Variants in CCDC178 observed in about 807,000 individuals in gnomAD.
The protein encoded by CCDC178 is coiled-coil domain-containing protein 178.
Under a neutral mutation model 117.4 loss-of-function variants are expected in CCDC178, and 126 were observed. The ratio of observed to expected loss-of-function variants is 1.07; its 90% CI spans 0.93 to 1.24. CCDC178 has a LOEUF of 1.24. CCDC178 is among the 50% of genes most tolerant of loss of function. The probability of loss-of-function intolerance (pLI) is 0.00; values close to 1 mark genes in which losing one functional copy is unlikely to be tolerated. For synonymous variants in CCDC178, 283 were observed against 313.4 expected (o/e 0.90, Z 1.02); for missense variants, 1,030 against 986.9 (o/e 1.04, Z -0.59).
chr18:33,105,338 AT>A (rs1222546945), intron 20 of CCDC178, among the ~76,000 whole-genome samples: 1 of 151,552 alleles, frequency 6.6e-6, no homozygotes, highest in Admixed American at 6.6e-5. Context: ...ACTTCTGTGA[AT>A]TTTTTTGTGC....
intron 21 of CCDC178, among the ~76,000 whole-genome samples, chr18:33,080,149 G>A (rs539439583): frequency 6.6e-6 from 1 of 152,176 alleles, no homozygotes; most frequent in Non-Finnish European, 1.5e-5. Flanking sequence ...CTGGAGGCTG[G>A]TATCCTTAAC....
intron 14 of CCDC178, among the ~76,000 whole-genome samples, chr18:33,261,176 T>C (rs965756383): frequency 1.6e-4 from 24 of 152,110 alleles, no homozygotes; most frequent in African/African-American, 2.7e-4. Context: ...CTCCGCCTCC[T>C]GGGTTCACGC....
chr18:33,286,745 G>C (rs2060102987), intron 12 of CCDC178, among the ~76,000 whole-genome samples: 1 of 152,064 alleles, frequency 6.6e-6, no homozygotes, highest in African/African-American at 2.4e-5. Context: ...AAATAATTTT[G>C]TGTGTCTATG....
chr18:33,259,494 A>C (rs1358934810), intron 14 of CCDC178, among the ~76,000 whole-genome samples: 1 of 152,162 alleles, frequency 6.6e-6, no homozygotes, highest in Non-Finnish European at 1.5e-5. Context: ...ATCATAGCGG[A>C]AGGCAAAGGG....
chr18:33,219,713 G>A (rs1156536261), intron 18 of CCDC178, among the ~76,000 whole-genome samples: 2 of 152,018 alleles, frequency 1.3e-5, no homozygotes, highest in African/African-American at 4.8e-5. Context: ...CTCATAGGTG[G>A]GAATTGAACA....
chr18:33,294,538 C>G (rs1429832112), intron 11 of CCDC178, among the ~76,000 whole-genome samples: 1 of 151,714 alleles, frequency 6.6e-6, no homozygotes, highest in Non-Finnish European at 1.5e-5. Flanking sequence ...ACCCTGATTC[C>G]AGCAGCATAG....
At chr18:33,247,774 G>A (rs1483194485) in intron 14 of CCDC178, among the ~76,000 whole-genome samples, 1 of 151,822 alleles carries the variant, frequency 6.6e-6, no homozygotes, top group Non-Finnish European at 1.5e-5. Flanking sequence ...TGTTGTGCAT[G>A]TTTATACATG....
rs1598932538 is a variant in CCDC178 at position 33,148,147 on chromosome 18, T to A, written c.2239-55237A>T. Among the ~76,000 whole-genome samples the A allele has an allele frequency of 2.6e-5, 4 of 152,172 alleles. No individual in the cohort carries two copies. The South Asian group carries it at 8.3e-4, about 32-fold the overall frequency. ...AGCCTGGGCAACATTGAGCACTGAGTGAGTGAGACTCCGTCTGCAATCCTG... is the reference window on the plus strand; with the variant it reads ...AGCCTGGGCAACATTGAGCACTGAGAGAGTGAGACTCCGTCTGCAATCCTG... On this transcript the variant is annotated intron_variant, in intron 20 of 22. Transcript: ENST00000383096.
At chr18:33,067,991 A>G (rs1317245094) in intron 21 of CCDC178, among the ~76,000 whole-genome samples, 1 of 152,140 alleles carries the variant, frequency 6.6e-6, no homozygotes, top group Admixed American at 6.5e-5. Context: ...CAAAAAGGAG[A>G]CATTATGATA....
chr18:33,021,668 C>G (rs968716671), intron 21 of CCDC178, among the ~76,000 whole-genome samples: 1 of 152,208 alleles, frequency 6.6e-6, no homozygotes. Context: ...TCTGACTTGA[C>G]CTTCCTATTA....
chr18:32,952,759 C>A (rs2054515368), intron 22 of CCDC178, among the ~76,000 whole-genome samples: 2 of 150,304 alleles, frequency 1.3e-5, no homozygotes, highest in African/African-American at 2.4e-5. Context: ...TGTCAGGCTG[C>A]AAATTTTATA....
intron 14 of CCDC178, among the ~76,000 whole-genome samples, chr18:33,254,452 T>C (rs893987199): frequency 2.0e-5 from 3 of 151,948 alleles, no homozygotes; most frequent in African/African-American, 7.2e-5. Context: ...TGAGCATTGA[T>C]TATATGTCAA....
At chr18:33,401,159 A>G (rs1453798252) in intron 3 of CCDC178, among the ~76,000 whole-genome samples, 1 of 152,238 alleles carries the variant, frequency 6.6e-6, no homozygotes, top group African/African-American at 2.4e-5. Context: ...AATACCACTG[A>G]TCACAGATCA....
In CCDC178 at chr18:33,106,786, C is replaced by T. The variant is rs569204434; in HGVS notation, c.2239-13876G>A. On this transcript the variant is annotated intron_variant, in intron 20 of 22. Transcript: ENST00000383096. Reference sequence around the variant, plus strand: ...TTCTTAAAAGTGAGAATCTTTTCTACCTAAGTTCAGAGAGATGTGGAGGAA... The same window carrying T: ...TTCTTAAAAGTGAGAATCTTTTCTATCTAAGTTCAGAGAGATGTGGAGGAA... Among the ~76,000 whole-genome samples the T allele has an allele frequency of 9.2e-5, 14 of 151,662 alleles. No individual in the cohort carries two copies. The South Asian group carries it at 1.0e-3, about 11-fold the overall frequency.
intron 21 of CCDC178, among the ~76,000 whole-genome samples, chr18:32,979,230 C>T (rs1460651864): frequency 6.6e-6 from 1 of 151,698 alleles, no homozygotes; most frequent in African/African-American, 2.4e-5. Flanking sequence ...GATCTCAGTT[C>T]GCTGCAACAT....
intron 12 of CCDC178, among the ~76,000 whole-genome samples, chr18:33,276,101 G>A (rs1468235689): frequency 6.6e-6 from 1 of 151,926 alleles, no homozygotes; most frequent in Admixed American, 6.6e-5. Flanking sequence ...GGACTTCTCA[G>A]ACATGATGTT....
intron 22 of CCDC178, among the ~76,000 whole-genome samples, chr18:32,949,188 T>G (rs936029321): frequency 1.3e-5 from 2 of 152,130 alleles, no homozygotes; most frequent in Non-Finnish European, 1.5e-5. Context: ...TCTGTATCAC[T>G]GGTTTTGAGT....
intron 18 of CCDC178, 95 bp downstream of exon 18, chr18:33,223,011 A>C (rs2059256517): frequency 9.2e-6 from 8 of 865,828 alleles, no homozygotes; most frequent in Non-Finnish European, 1.2e-5. Flanking sequence ...ATAAGAAATG[A>C]GACACATTCA....
intron 20 of CCDC178, among the ~76,000 whole-genome samples, chr18:33,183,001 G>T (rs983283458): frequency 2.6e-5 from 4 of 151,824 alleles, no homozygotes; most frequent in Admixed American, 6.6e-5. Flanking sequence ...TTTCTCTAAA[G>T]AATTTATTTT....
Sources: gnomAD v4.1 joint callset for allele counts (sites outside exome capture counted in the v4.1 genomes callset) on GRCh38, gnomAD v4.1.1 for gene constraint, MANE v1.5 for transcripts, NCBI Gene and HGNC (gene_info 2026-07-23, HGNC 2026-07-21) for gene names.